Variants in THRB observed in about 807,000 individuals in gnomAD.
THRB encodes the protein thyroid hormone receptor beta, also known as nuclear receptor subfamily 1 group A member 2.
Under a neutral mutation model 47.8 loss-of-function variants are expected in THRB, and 12 were observed. That is an observed-to-expected ratio of 0.25 (90% confidence interval 0.16 to 0.41). The LOEUF is 0.41. Among genes scored for constraint, THRB ranks in the 10% least tolerant of loss-of-function variants. The pLI is 1.00. For missense variants in THRB, 348 were observed against 589.2 expected (o/e 0.59, Z 4.24); for synonymous variants, 218 against 212.2 (o/e 1.03, Z -0.24).
intron 1 of THRB, among the ~76,000 whole-genome samples, chr3:24,352,349 G>A (rs1174884549): frequency 6.6e-6 from 1 of 152,160 alleles, no homozygotes; most frequent in Non-Finnish European, 1.5e-5. Flanking sequence ...ACATGTTTTA[G>A]GCCAAGCACC....
rs141038969 is a variant in THRB, at chr3:24,478,681, T to C, written c.-261+15971A>G. Among the ~76,000 whole-genome samples the C allele has an allele frequency of 1.2e-4, 18 of 152,252 alleles. No individual in the cohort carries two copies. The East Asian group carries it at 3.3e-3, about 28-fold the overall frequency. On this transcript the variant is annotated intron_variant, in intron 1 of 10. Coordinates refer to ENST00000646209, the MANE Select transcript of THRB (RefSeq NM_001354712.2). ...GTAATTTCTGGGTGGAGTAGAATATTGGCCCACGGAGCAGGAGGTGTGTCA... is the reference window on the plus strand; with the variant it reads ...GTAATTTCTGGGTGGAGTAGAATATCGGCCCACGGAGCAGGAGGTGTGTCA...
At chr3:24,401,028 G>A (rs1490811396) in intron 1 of THRB, among the ~76,000 whole-genome samples, 2 of 152,022 alleles carry the variant, frequency 1.3e-5, no homozygotes, top group East Asian at 3.9e-4. Flanking sequence ...CAAAGTGTCT[G>A]AGACTACAGT....
chr3:24,417,149 G>A (rs536510657), intron 1 of THRB, among the ~76,000 whole-genome samples: 35 of 144,764 alleles, frequency 2.4e-4, no homozygotes, highest in Admixed American at 2.2e-3. Flanking sequence ...CGCGCAACGC[G>A]TTATGACTGC....
At chr3:24,375,214 C>T (rs541803791) in intron 1 of THRB, among the ~76,000 whole-genome samples, 1 of 151,330 alleles carries the variant, frequency 6.6e-6, no homozygotes, top group Non-Finnish European at 1.5e-5. Flanking sequence ...CATACACTAT[C>T]TTTTAAATTA....
At chr3:24,129,794 C>T (rs968868931) in intron 9 of THRB, among the ~76,000 whole-genome samples, 9 of 152,218 alleles carry the variant, frequency 5.9e-5, no homozygotes, top group Admixed American at 2.6e-4. Context: ...CTGGCAAAGA[C>T]GACAGGGCCC....
intron 1 of THRB, among the ~76,000 whole-genome samples, chr3:24,464,280 GTTGCATTAGTTTGGTTAA>G (rs1432853674): frequency 9.9e-5 from 15 of 151,832 alleles, no homozygotes; most frequent in African/African-American, 3.1e-4. Flanking sequence ...AAAATAAATG[GTTGCATTAGTTTGGTTAA>G]TATGGCACAT....
chr3:24,468,453 A>C (rs1014093040), intron 1 of THRB, among the ~76,000 whole-genome samples: 2 of 152,220 alleles, frequency 1.3e-5, no homozygotes, highest in African/African-American at 4.8e-5. Context: ...CATTAAGTGT[A>C]ATCATTTCCA....
chr3:24,243,360 CA>C lies in THRB; in HGVS notation c.-42-14360del, dbSNP rs532576924. ...GCTCAAAATCCCACTGTGGCTCCCA[CA>C]AGGATCTGCCCCATCTGCCTCTCTG... On this transcript the variant is annotated intron_variant, in intron 3 of 10. Coordinates refer to ENST00000646209, the MANE Select transcript of THRB (RefSeq NM_001354712.2). 3.8e-3 allele frequency among the ~76,000 whole-genome samples: 583 copies of C among 152,186 alleles called. 1 individual carries two copies. The highest frequency in any genetic ancestry group is 7.0e-3 in the Non-Finnish European group (477 of 67,992).
intron 1 of THRB, chr3:24,459,131 CG>C (rs1469944101): frequency 6.6e-6 from 1 of 151,974 alleles, no homozygotes; most frequent in Non-Finnish European, 1.5e-5. Flanking sequence ...CCAACAGGCC[CG>C]GGTGTGTGAG....
At chr3:24,137,462 A>T (rs2084565) in intron 8 of THRB, among the ~76,000 whole-genome samples, 26,306 of 152,166 alleles carry the variant, frequency 0.17, 2,455 homozygotes, top group African/African-American at 0.22. Flanking sequence ...AGGCAGGAGA[A>T]AGGAAGGTCA....
intron 5 of THRB, among the ~76,000 whole-genome samples, chr3:24,176,593 A>AATGTTATAAAAATAAT (rs903947542): frequency 1.3e-5 from 2 of 152,192 alleles, no homozygotes; most frequent in African/African-American, 4.8e-5. Context: ...TATACTTGAA[A>AATGTTATAAAAATAAT]ATGTTATAAA....
chr3:24,437,243 C>T (rs2071059762), intron 1 of THRB, among the ~76,000 whole-genome samples: 2 of 151,304 alleles, frequency 1.3e-5, no homozygotes, highest in Non-Finnish European at 2.9e-5. Flanking sequence ...CAATATGGAA[C>T]AGAATTGGAG....
At position 24,190,343 on chromosome 3, in the gene THRB, T is replaced by C; in HGVS notation, c.23-9A>G. On this transcript the variant is annotated splice_polypyrimidine_tract_variant and intron_variant, in intron 4 of 10. Coordinates refer to ENST00000646209, the MANE Select transcript of THRB (RefSeq NM_001354712.2). ...GGCTGTAAGGCCATTTTCTAAAGGG[T>C]TGAAAAACACGAGATGACGAGCTGT... The C allele has an allele frequency of 2.5e-6, 4 of 1,613,990 alleles. No individual in the cohort carries two copies. The highest frequency in any genetic ancestry group is 1.1e-5 in the South Asian group (1 of 91,082).
intron 1 of THRB, chr3:24,430,143 T>A (rs1482561589): frequency 6.6e-6 from 1 of 152,130 alleles, no homozygotes; most frequent in Non-Finnish European, 1.5e-5. Context: ...TTGTGGAGTT[T>A]ATCAGGATGA....
intron 3 of THRB, among the ~76,000 whole-genome samples, chr3:24,253,151 G>T (rs1050209515): frequency 1.3e-5 from 2 of 152,130 alleles, no homozygotes; most frequent in Non-Finnish European, 2.9e-5. Flanking sequence ...CTGTGGAGAT[G>T]AAATGCAATA....
At chr3:24,467,349 G>A (rs1297208393) in intron 1 of THRB, among the ~76,000 whole-genome samples, 2 of 152,086 alleles carry the variant, frequency 1.3e-5, no homozygotes. Flanking sequence ...CCAAACTCCT[G>A]TTAATGTTGA....
At chr3:24,371,664 C>T (rs1331098613) in intron 1 of THRB, among the ~76,000 whole-genome samples, 1 of 152,078 alleles carries the variant, frequency 6.6e-6, no homozygotes, top group Non-Finnish European at 1.5e-5. Flanking sequence ...GTTTCAGCTC[C>T]TCATGTGTGT....
intron 5 of THRB, among the ~76,000 whole-genome samples, chr3:24,156,730 C>A (rs949763000): frequency 6.6e-6 from 1 of 152,138 alleles, no homozygotes; most frequent in African/African-American, 2.4e-5. Context: ...TTTTGTCACC[C>A]TTCAGGAAGC....
intron 3 of THRB, among the ~76,000 whole-genome samples, chr3:24,292,575 G>C (rs961872702): frequency 2.0e-5 from 3 of 152,188 alleles, no homozygotes; most frequent in East Asian, 3.9e-4. Flanking sequence ...TCCCTGGCTC[G>C]ACGTTAAGCT....
Sources: gnomAD v4.1 joint callset for allele counts (sites outside exome capture counted in the v4.1 genomes callset) on GRCh38, gnomAD v4.1.1 for gene constraint, MANE v1.5 for transcripts, NCBI Gene and HGNC (gene_info 2026-07-23, HGNC 2026-07-21) for gene names.